Variants in XIRP2 observed in about 807,000 individuals in gnomAD.
XIRP2 encodes xin actin binding repeat containing 2.
XIRP2 carries 236 observed loss-of-function variants against 277.0 expected under a neutral mutation model. That is an observed-to-expected ratio of 0.85 (90% confidence interval 0.77 to 0.95). The LOEUF is 0.95. XIRP2 is among the 40% of genes least tolerant of loss of function. XIRP2 has a pLI of 0.00. For synonymous variants in XIRP2, 1,490 were observed against 1,416.5 expected, an observed-to-expected ratio of 1.05 and a Z score of -1.17; for missense variants, 4,640 against 4,157.5, an observed-to-expected ratio of 1.12 and a Z score of -3.19.
intron 2 of XIRP2, among the ~76,000 whole-genome samples, chr2:167,071,047 A>C (rs1295759812): frequency 6.6e-6 from 1 of 152,204 alleles, no homozygotes; most frequent in Non-Finnish European, 1.5e-5. Flanking sequence ...GCAAACCTCT[A>C]GCAAGTGTCA....
Position 167,073,219 on chromosome 2 carries a change from T to C in XIRP2, c.409-62690T>C, listed in dbSNP as rs1285326396. On this transcript the variant is annotated intron_variant, in intron 2 of 10. Coordinates refer to ENST00000409195, the MANE Select transcript of XIRP2 (RefSeq NM_152381.6). Reference sequence around the variant, plus strand: ...TTTAATTATCTTTCATACTCGACTTTTAATCCTTAAGTTTTTTCTATCCTA... The same window carrying C: ...TTTAATTATCTTTCATACTCGACTTCTAATCCTTAAGTTTTTTCTATCCTA... 5.9e-5 allele frequency among the ~76,000 whole-genome samples: 9 copies of C among 152,242 alleles called. No homozygotes were observed. In the East Asian group the frequency reaches 1.7e-3, roughly 29 times the overall value.
intron 5 of XIRP2, among the ~76,000 whole-genome samples, chr2:167,221,484 A>AAT (rs1694429064): frequency 1.3e-5 from 2 of 151,064 alleles, no homozygotes; most frequent in African/African-American, 4.9e-5. Context: ...AAAAAAAAAA[A>AAT]AGGAAAAAGT....
intron 2 of XIRP2, among the ~76,000 whole-genome samples, chr2:167,107,324 A>T (rs917237561): frequency 6.6e-6 from 1 of 151,626 alleles, no homozygotes; most frequent in African/African-American, 2.4e-5. Context: ...CAGTAAGCAT[A>T]ATGTTACCCA....
At position 167,139,100 on chromosome 2, in the gene XIRP2, G is replaced by GTA. The variant is rs928824606; in HGVS notation, c.562+3046_562+3047dup. Among the ~76,000 whole-genome samples, 5 of 148,436 alleles carry GTA rather than the reference G, an allele frequency of 3.4e-5. No homozygotes were observed. In the East Asian group the frequency reaches 9.9e-4, roughly 29 times the overall value. Reference sequence around the variant, plus strand: ...TATATATATGCATATATATACGTACGTATATATATGCATATATATATATAT... The same window carrying GTA: ...TATATATATGCATATATATACGTACGTATATATATATGCATATATATATATAT... On this transcript the variant is annotated intron_variant, in intron 3 of 10. Transcript: ENST00000409195.
At chr2:167,237,294 A>G (rs1017855834) in intron 5 of XIRP2, among the ~76,000 whole-genome samples, 1 of 152,198 alleles carries the variant, frequency 6.6e-6, no homozygotes, top group Non-Finnish European at 1.5e-5. Context: ...TGTCAAAATT[A>G]CATTTATTTA....
At chr2:167,117,239 C>T (rs181784840) in intron 2 of XIRP2, among the ~76,000 whole-genome samples, 1 of 152,236 alleles carries the variant, frequency 6.6e-6, no homozygotes, top group African/African-American at 2.4e-5. Flanking sequence ...CCTACTTCCT[C>T]ATTCCCTAGT....
intron 2 of XIRP2, among the ~76,000 whole-genome samples, chr2:167,117,282 G>A (rs918930332): frequency 6.6e-6 from 1 of 151,982 alleles, no homozygotes; most frequent in East Asian, 1.9e-4. Flanking sequence ...GGTCACTTTT[G>A]ACTCCTCTGC....
At chr2:166,891,834 T>C (rs1294751989) in intron 1 of XIRP2, among the ~76,000 whole-genome samples, 1 of 152,190 alleles carries the variant, frequency 6.6e-6, no homozygotes, top group African/African-American at 2.4e-5. Context: ...TTCTTACCCT[T>C]GTCAGAAGGT....
chr2:167,251,211 T>C lies in XIRP2; in HGVS notation c.9819T>C (p.His3273=). ...RKVEKRATYV[H]KDGLNSTDHM... The stretch of plus-strand genomic sequence containing the variant: ...TGGAGAAGAGAGCTACTTATGTTCA[T>C]AAAGATGGACTAAATTCCACTGATC... Residue 3273 remains histidine (H), a synonymous_variant, in exon 9 of 11, where the codon CAT becomes CAC. Coordinates refer to ENST00000409195, the MANE Select transcript of XIRP2 (RefSeq NM_152381.6). The C allele has an allele frequency of 6.2e-7, 1 of 1,613,548 alleles. No individual in the cohort carries two copies. The highest frequency in any genetic ancestry group is 1.1e-5 in the South Asian group (1 of 91,074).
intron 2 of XIRP2, among the ~76,000 whole-genome samples, chr2:167,019,252 T>C (rs1222494076): frequency 6.6e-6 from 1 of 151,978 alleles, no homozygotes; most frequent in African/African-American, 2.4e-5. Context: ...CCTGCTGTTA[T>C]AAAAATCTAA....
chr2:167,013,428 T>A (rs1242380013), intron 2 of XIRP2, among the ~76,000 whole-genome samples: 1 of 151,480 alleles, frequency 6.6e-6, no homozygotes, highest in African/African-American at 2.4e-5. Context: ...AAGAATCAGC[T>A]GCAGATTCTG....
chr2:166,958,218 C>G lies in XIRP2; in HGVS notation c.408+54328C>G, dbSNP rs80264420. 3.4e-4 allele frequency among the ~76,000 whole-genome samples: 51 copies of G among 151,978 alleles called. No individual in the cohort carries two copies. In the East Asian group the frequency reaches 5.4e-3, roughly 16 times the overall value. ...CTGTGGGTGAGGGGCTAGGCGCATG[C>G]CCAACAGTTGTGGGGGATGGCAATT... On this transcript the variant is annotated intron_variant, in intron 2 of 10. Transcript: ENST00000409195.
rs765478726 is a variant in XIRP2, at chr2:167,243,162, C to T, written c.1770C>T (p.Asn590=). 8.1e-6 allele frequency: 13 copies of T among 1,614,030 alleles called. No homozygotes were observed. In the East Asian group the frequency reaches 2.9e-4, roughly 36 times the overall value. Residue 590 remains asparagine, a synonymous_variant, in exon 9 of 11, where the codon AAC becomes AAT. Coordinates refer to ENST00000409195, the MANE Select transcript of XIRP2 (RefSeq NM_152381.6). ...IFENQPLDSI[N]NGSPDEGDIS... ...AGAATCAACCATTGGATTCCATCAA[C>T]AATGGCTCTCCTGATGAAGGTGATA...
intron 2 of XIRP2, among the ~76,000 whole-genome samples, chr2:167,047,599 C>T (rs942800618): frequency 5.3e-5 from 8 of 151,768 alleles, no homozygotes; most frequent in Admixed American, 3.9e-4. Context: ...TCCTAAGTAA[C>T]GAAACTTTTT....
chr2:167,051,974 C>T (rs1198733053), intron 2 of XIRP2, among the ~76,000 whole-genome samples: 3 of 151,998 alleles, frequency 2.0e-5, no homozygotes, highest in African/African-American at 7.2e-5. Context: ...ATTTGATTAA[C>T]TTTCTTTTCA....
intron 3 of XIRP2, among the ~76,000 whole-genome samples, chr2:167,194,721 C>G (rs1693449900): frequency 6.6e-6 from 1 of 152,138 alleles, no homozygotes. Context: ...ATCTCTTACC[C>G]TTACCTACTG....
intron 2 of XIRP2, among the ~76,000 whole-genome samples, chr2:166,994,399 G>C (rs1286314626): frequency 4.0e-5 from 5 of 126,162 alleles, no homozygotes; most frequent in African/African-American, 1.6e-4. Flanking sequence ...AGTGGGTGCA[G>C]CGCACCAGCA....
At chr2:166,932,240 A>T (rs1685362964) in intron 2 of XIRP2, among the ~76,000 whole-genome samples, 2 of 149,172 alleles carry the variant, frequency 1.3e-5, no homozygotes, top group African/African-American at 2.5e-5. Context: ...TAATTGAGAC[A>T]GTGTCTTCCT....
At chr2:167,166,050 G>A (rs1478950792) in intron 3 of XIRP2, among the ~76,000 whole-genome samples, 1 of 152,086 alleles carries the variant, frequency 6.6e-6, no homozygotes, top group Non-Finnish European at 1.5e-5. Flanking sequence ...TTTGTATATG[G>A]ATGTCCACTT....
Sources: gnomAD v4.1 joint callset for allele counts (sites outside exome capture counted in the v4.1 genomes callset) on GRCh38, gnomAD v4.1.1 for gene constraint, MANE v1.5 for transcripts, NCBI Gene and HGNC (gene_info 2026-07-23, HGNC 2026-07-21) for gene names.